Variants in ZNF782 observed in about 807,000 individuals in gnomAD.
ZNF782 encodes zinc finger protein 782.
ZNF782 carries 12 observed loss-of-function variants against 13.0 expected under a neutral mutation model. That is an observed-to-expected ratio of 0.92 (90% CI 0.59 to 1.50). The LOEUF (loss-of-function observed/expected upper bound fraction) is 1.50. ZNF782 is among the 40% of genes most tolerant of loss of function. The pLI is 0.00. For synonymous variants in ZNF782, 284 were observed against 283.0 expected, an observed-to-expected ratio of 1.00 and a Z score of -0.04; for missense variants, 770 against 822.9, an observed-to-expected ratio of 0.94 and a Z score of 0.79.
chr9:96,907,475 C>A, the ZNF782 span, among the ~76,000 whole-genome samples: 115 of 152,372 alleles, frequency 7.5e-4, no homozygotes, highest in Non-Finnish European at 1.5e-3. Flanking sequence ...AAAATGGTTA[C>A]GATGGTAAAT....
chr9:96,822,054 A>C (rs986278969), intron 5 of ZNF782, among the ~76,000 whole-genome samples: 7 of 152,296 alleles, frequency 4.6e-5, no homozygotes, highest in South Asian at 2.1e-4. Flanking sequence ...TATACTTTAT[A>C]TCTCTCTGTA....
At chr9:96,882,055 AAAT>A in the ZNF782 span, among the ~76,000 whole-genome samples, 1 of 151,874 alleles carries the variant, frequency 6.6e-6, no homozygotes, top group Non-Finnish European at 1.5e-5. Context: ...GAAATCTAAA[AAAT>A]AATATTAGGA....
At chr9:96,900,135 A>G in the ZNF782 span, among the ~76,000 whole-genome samples, 1 of 151,616 alleles carries the variant, frequency 6.6e-6, no homozygotes, top group Non-Finnish European at 1.5e-5. Context: ...GTCCTATTTA[A>G]TAGCCTTTAC....
At chr9:96,886,694 A>C in the ZNF782 span, among the ~76,000 whole-genome samples, 4 of 152,072 alleles carry the variant, frequency 2.6e-5, no homozygotes. Context: ...AGGCCGAGGC[A>C]GGTGGATCGC....
intron 4 of ZNF782, among the ~76,000 whole-genome samples, chr9:96,831,937 A>C (rs184382980): frequency 6.6e-6 from 1 of 152,244 alleles, no homozygotes; most frequent in Non-Finnish European, 1.5e-5. Context: ...ATTTAGGTGA[A>C]TTTTAAAAAC....
chr9:96,875,646 C>T (rs1481163652), upstream of ZNF782: 1 of 454,330 alleles, frequency 2.2e-6, no homozygotes, highest in South Asian at 1.6e-5. Context: ...CTAAAGGGGG[C>T]GCAGCTCCAC....
At chr9:96,890,222 T>C in the ZNF782 span, 1 of 152,526 alleles carries the variant, frequency 6.6e-6, no homozygotes, top group Non-Finnish European at 1.5e-5. Context: ...AGAGATGAAG[T>C]GCTGATGACG....
intron 3 of ZNF782, 51 bp from the exon 4 acceptor site, chr9:96,845,067 A>G (rs1356504668): frequency 6.2e-7 from 1 of 1,605,248 alleles, no homozygotes. Context: ...CAAGGAAAGG[A>G]AAACGTTTTC....
At chr9:96,879,516 A>G (rs1333080438), upstream of ZNF782, among the ~76,000 whole-genome samples, 2 of 152,292 alleles carry the variant, frequency 1.3e-5, no homozygotes, top group African/African-American at 4.8e-5. Context: ...AACAAACAAA[A>G]AAAGAAACAA....
intron 4 of ZNF782, among the ~76,000 whole-genome samples, chr9:96,841,014 C>A (rs1250806618): frequency 6.6e-6 from 1 of 151,370 alleles, no homozygotes; most frequent in Non-Finnish European, 1.5e-5. Context: ...GAAGAGTGAA[C>A]AAAAAAATAA....
the ZNF782 span, among the ~76,000 whole-genome samples, chr9:96,901,347 C>T: frequency 6.9e-6 from 1 of 145,098 alleles, no homozygotes; most frequent in Non-Finnish European, 1.5e-5. Context: ...TCTTGGCTCA[C>T]TACAGCCTCT....
upstream of ZNF782, among the ~76,000 whole-genome samples, chr9:96,879,498 G>A (rs141789547): frequency 0.08 from 12,135 of 152,158 alleles, 1,482 homozygotes; most frequent in African/African-American, 0.27. Context: ...GCAAGACTCC[G>A]TCTCAAAAAC....
At chr9:96,823,809 T>C (rs1020627047) in intron 5 of ZNF782, among the ~76,000 whole-genome samples, 1 of 152,236 alleles carries the variant, frequency 6.6e-6, no homozygotes, top group Non-Finnish European at 1.5e-5. Flanking sequence ...ATGGCAAATA[T>C]GTTTGTCTTA....
the ZNF782 span, among the ~76,000 whole-genome samples, chr9:96,909,566 G>A: frequency 6.6e-6 from 1 of 150,712 alleles, no homozygotes; most frequent in Admixed American, 6.6e-5. Context: ...CGTAACTGGG[G>A]TTTTGCAACA....
At chr9:96,823,624 G>C (rs959543060) in intron 5 of ZNF782, among the ~76,000 whole-genome samples, 3 of 152,096 alleles carry the variant, frequency 2.0e-5, no homozygotes, top group Non-Finnish European at 2.9e-5. Context: ...CCAAGATTAC[G>C]CTATAGAGGT....
chr9:96,849,142 A>G (rs979581261), intron 3 of ZNF782, among the ~76,000 whole-genome samples: 1 of 152,184 alleles, frequency 6.6e-6, no homozygotes, highest in Non-Finnish European at 1.5e-5. Context: ...CCTGGAAGAC[A>G]ATTTTTCCAT....
At chr9:96,873,411 A>G (rs1396230039) in intron 1 of ZNF782, among the ~76,000 whole-genome samples, 1 of 152,216 alleles carries the variant, frequency 6.6e-6, no homozygotes, top group Non-Finnish European at 1.5e-5. Context: ...CTTCAAGAGT[A>G]AGTCAGGGCC....
chr9:96,842,169 A>G (rs73538639), intron 4 of ZNF782, among the ~76,000 whole-genome samples: 4,448 of 152,110 alleles, frequency 0.029, 233 homozygotes, highest in African/African-American at 0.1. Context: ...GAAAATCACA[A>G]AACACTGAAG....
rs767902348 is a variant in ZNF782, at chr9:96,819,091, T to A, written c.932A>T (p.Lys311Ile). The A allele has an allele frequency of 8.1e-6, 13 of 1,614,090 alleles. No homozygotes were observed. The highest frequency in any genetic ancestry group is 1.1e-5 in the Non-Finnish European group (13 of 1,180,030). ...GAAACTTTTTCCATATTCAAAGGGT[T>A]TCACCCCTATATGAACTCTATGATG... ...REHHRVHIGV[K>I]PFEYGKSFNR... The change falls in exon 6 of 6, where the codon AAA becomes ATA. Residue 311 changes from lysine to isoleucine, a missense_variant. By Grantham distance (102) the Lys-to-Ile change is moderately radical (BLOSUM62 -3). Transcript: ENST00000481138.
Sources: allele counts gnomAD v4.1 joint callset (sites outside exome capture counted in the v4.1 genomes callset), GRCh38; gene constraint gnomAD v4.1.1; transcripts MANE v1.5; gene names NCBI Gene and HGNC (gene_info 2026-07-23, HGNC 2026-07-21).